The following NAA15 variants were observed in gnomAD, a reference collection of about 807,000 sequenced individuals.
NAA15 encodes the protein N-alpha-acetyltransferase 15, NatA auxiliary subunit.
NAA15 carries 34 observed loss-of-function variants against 114.0 expected under a neutral mutation model. That is an observed-to-expected ratio of 0.30 (90% confidence interval 0.23 to 0.40). NAA15 has a LOEUF of 0.40. Among genes scored for constraint, NAA15 ranks in the 10% least tolerant of loss-of-function variants. NAA15 has a pLI of 1.00. For synonymous variants in NAA15, 340 were observed against 338.0 expected (o/e 1.01, Z -0.06); for missense variants, 658 against 1,004.5 (o/e 0.66, Z 4.66).
intron 2 of NAA15, 130 bp downstream of exon 2, chr4:139,334,388 T>G: frequency 2.0e-6 from 1 of 490,542 alleles, no homozygotes; most frequent in Non-Finnish European, 3.7e-6. Context: ...TGTGAGAAAG[T>G]GAAATTTAAT....
chr4:139,341,212 TTA>T, intron 4 of NAA15, 143 bp downstream of exon 4: 1 of 563,798 alleles, frequency 1.8e-6, no homozygotes, highest in South Asian at 4.4e-5. Flanking sequence ...GTGGTTATGT[TTA>T]TGATTGGAAT....
intron 17 of NAA15, among the ~76,000 whole-genome samples, chr4:139,382,818 A>G (rs958866685): frequency 6.6e-6 from 1 of 152,200 alleles, no homozygotes; most frequent in East Asian, 1.9e-4. Flanking sequence ...TTAACCAACA[A>G]AGAGCATGTC....
At chr4:139,345,916 G>T (rs928249223) in intron 6 of NAA15, among the ~76,000 whole-genome samples, 2 of 151,314 alleles carry the variant, frequency 1.3e-5, no homozygotes, top group Non-Finnish European at 2.9e-5. Context: ...GCAAGACTCC[G>T]TATCAAAAAA....
At chr4:139,368,661 A>T (rs1240537602) in intron 14 of NAA15, among the ~76,000 whole-genome samples, 1 of 152,168 alleles carries the variant, frequency 6.6e-6, no homozygotes, top group Non-Finnish European at 1.5e-5. Flanking sequence ...ACCTTGGTGT[A>T]TAGTACATGT....
chr4:139,386,414 A>C, intron 19 of NAA15, 184 bp downstream of exon 19: 2 of 424,870 alleles, frequency 4.7e-6, no homozygotes, highest in Non-Finnish European at 8.4e-6. Flanking sequence ...GTAGCTTGGA[A>C]TAACTTTTTA....
At chr4:139,381,869 C>T (rs1252390987) in intron 17 of NAA15, among the ~76,000 whole-genome samples, 1 of 152,056 alleles carries the variant, frequency 6.6e-6, no homozygotes. Context: ...TGTCAAAGGA[C>T]CCAAATCAAA....
intron 17 of NAA15, among the ~76,000 whole-genome samples, chr4:139,381,926 T>C (rs1748766629): frequency 1.3e-5 from 2 of 152,316 alleles, no homozygotes; most frequent in Non-Finnish European, 1.5e-5. Context: ...TCATCAGTTA[T>C]TACTTTTCCT....
At chr4:139,364,652 A>G (rs1280109345) in intron 14 of NAA15, among the ~76,000 whole-genome samples, 1 of 152,238 alleles carries the variant, frequency 6.6e-6, no homozygotes, top group Non-Finnish European at 1.5e-5. Context: ...TTAAAACTAC[A>G]TGGTATTGAC....
intron 15 of NAA15, among the ~76,000 whole-genome samples, chr4:139,374,107 G>A (rs1197777789): frequency 6.6e-6 from 1 of 151,912 alleles, no homozygotes; most frequent in Non-Finnish European, 1.5e-5. Flanking sequence ...TAAACTTTTT[G>A]TTGCTGTGCT....
intron 1 of NAA15, among the ~76,000 whole-genome samples, chr4:139,321,165 A>G (rs1046933982): frequency 6.7e-6 from 1 of 149,794 alleles, no homozygotes; most frequent in Non-Finnish European, 1.5e-5. Context: ...TTTCTATTTA[A>G]TCGACTCTGT....
intron 1 of NAA15, among the ~76,000 whole-genome samples, chr4:139,315,126 G>C (rs1313678611): frequency 6.6e-6 from 1 of 151,220 alleles, no homozygotes; most frequent in Non-Finnish European, 1.5e-5. Flanking sequence ...GCAGTGGCGC[G>C]ATCCCGGCTC....
chr4:139,379,652 A>G (rs1369765706), intron 17 of NAA15, among the ~76,000 whole-genome samples: 1 of 152,206 alleles, frequency 6.6e-6, no homozygotes, highest in African/African-American at 2.4e-5. Context: ...ATTTGGAAAT[A>G]CTATTAACTA....
At position 139,357,375 on chromosome 4, in the gene NAA15, C is replaced by A. The variant is rs747146344; in HGVS notation, c.1088-11C>A. The A allele has an allele frequency of 1.9e-6, 3 of 1,613,184 alleles. No homozygotes were observed. The highest frequency in any genetic ancestry group is 2.5e-6 in the Non-Finnish European group (3 of 1,179,548). ...TGCCTCATCTTGGTTTCTTCTCCCTCTTCTCCTAAGATGATGGAAAGGAGG... is the reference window on the plus strand; with the variant it reads ...TGCCTCATCTTGGTTTCTTCTCCCTATTCTCCTAAGATGATGGAAAGGAGG... On this transcript the variant is annotated splice_polypyrimidine_tract_variant and intron_variant, in intron 10 of 19. Transcript: ENST00000296543.
chr4:139,378,510 A>G (rs751603701), intron 16 of NAA15, among the ~76,000 whole-genome samples: 6 of 152,234 alleles, frequency 3.9e-5, no homozygotes, highest in Non-Finnish European at 8.8e-5. Flanking sequence ...CTTATATGTC[A>G]TTAGTTTAAA....
intron 1 of NAA15, chr4:139,318,593 C>T (rs111481034): frequency 0.028 from 4,197 of 152,298 alleles, 96 homozygotes; most frequent in Middle Eastern, 0.051. Context: ...GTGGCTCACA[C>T]CTGTAATCCC....
Position 139,349,476 on chromosome 4 carries a change from C to G in NAA15, c.706C>G (p.Gln236Glu). ...VEETKGELLL[Q>E]LCRLEDAADV... ...TTTTTAATCAGGGGAACTTCTGTTG[C>G]AACTATGTCGTTTGGAAGATGCTGC... Residue 236 changes from glutamine to glutamate, a missense_variant, in exon 7 of 20, where the codon CAA becomes GAA. Around this residue, in one of 6 missense-constraint regions of NAA15, gnomAD observed 281 missense variants for 389.1 expected, o/e 0.72. Coordinates refer to ENST00000296543, the MANE Select transcript of NAA15 (RefSeq NM_057175.5). 1 of 1,593,448 alleles carries G rather than the reference C, an allele frequency of 6.3e-7. No individual in the cohort carries two copies. The highest frequency in any genetic ancestry group is 8.5e-7 in the Non-Finnish European group (1 of 1,173,356).
chr4:139,315,016 G>GTTAGT lies in NAA15; in HGVS notation c.54+13189_54+13190insTTTAG, dbSNP rs1560952860. Among the ~76,000 whole-genome samples, 3 of 80,982 alleles carry GTTAGT rather than the reference G, an allele frequency of 3.7e-5. 1 individual carries two copies. Among genetic ancestry groups the GTTAGT allele is most frequent in the South Asian group, 6.4e-4 (2 of 3,146 alleles). 53.1% of individuals were successfully genotyped at this position (80,982 alleles called of 152,430 possible). A position where few individuals can be genotyped will look rare whatever the true frequency, so the allele number is the denominator to read the frequency against. The stretch of plus-strand genomic sequence containing the variant: ...TTCAGTTCAGTTTAGTTTAGGTTAG[G>GTTAGT]TTAGGTTAGGTTAGGTTAGGTTAGG... On this transcript the variant is annotated intron_variant, in intron 1 of 19. Transcript: ENST00000296543.
At chr4:139,330,625 C>G (rs1219744493) in intron 1 of NAA15, among the ~76,000 whole-genome samples, 1 of 152,166 alleles carries the variant, frequency 6.6e-6, no homozygotes, top group Non-Finnish European at 1.5e-5. Flanking sequence ...GGGGAATCAA[C>G]TCTATCTTCA....
In NAA15 at chr4:139,313,056, C is replaced by T. The variant is rs1046069994; in HGVS notation, c.54+11225C>T. On this transcript the variant is annotated intron_variant, in intron 1 of 19. Coordinates refer to ENST00000296543, the MANE Select transcript of NAA15 (RefSeq NM_057175.5). ...AGTATTATTTTTAATTTTAAAGATTCCATTTGATTTTATTACAGAGGAGAT... is the reference window on the plus strand; with the variant it reads ...AGTATTATTTTTAATTTTAAAGATTTCATTTGATTTTATTACAGAGGAGAT... Among the ~76,000 whole-genome samples the T allele has an allele frequency of 9.2e-5, 14 of 151,708 alleles. 1 individual carries two copies. The highest frequency in any genetic ancestry group is 3.2e-4 in the African/African-American group (13 of 41,238).
Sources: gnomAD v4.1 joint callset for allele counts (sites outside exome capture counted in the v4.1 genomes callset) on GRCh38, gnomAD v4.1.1 for gene constraint, gnomAD v4.1.1 regional missense constraint, MANE v1.5 for transcripts, NCBI Gene and HGNC (gene_info 2026-07-23, HGNC 2026-07-21) for gene names.